KLHL15: variants seen among roughly 807,000 people sequenced by gnomAD.
KLHL15 encodes the protein kelch like family member 15, also known as kelch-like protein 15.
Under a neutral mutation model 29.3 loss-of-function variants are expected in KLHL15, and 1 was observed. That is an observed-to-expected ratio of 0.03 (90% confidence interval 0.01 to 0.16). The LOEUF is 0.16. Ranked by LOEUF, KLHL15 falls within the 10% of genes least tolerant of loss-of-function variation. KLHL15 has a pLI of 1.00. For missense variants in KLHL15, 215 were observed against 478.5 expected (o/e 0.45, Z 5.14); for synonymous variants, 212 against 184.5 (o/e 1.15, Z -1.21).
chrX:24,000,648 T>C (rs1371275304), intron 3 of KLHL15, among the ~76,000 whole-genome samples: 2 of 112,308 alleles, frequency 1.8e-5, no homozygotes, highest in Non-Finnish European at 1.9e-5. Context: ...TAGATATAAA[T>C]GAACTGTTTT....
intron 3 of KLHL15, among the ~76,000 whole-genome samples, chrX:23,992,781 G>A (rs1283349535): frequency 8.9e-6 from 1 of 112,089 alleles, no homozygotes; most frequent in Non-Finnish European, 1.9e-5. Context: ...AGAGCTTTCT[G>A]GAATTCAGAT....
intron 2 of KLHL15, among the ~76,000 whole-genome samples, chrX:24,022,109 C>T (rs899250125): frequency 9.1e-6 from 1 of 110,224 alleles, no homozygotes; most frequent in Non-Finnish European, 1.9e-5. Context: ...GAGACCGAGG[C>T]GGGCGGATCA....
intron 1 of KLHL15, among the ~76,000 whole-genome samples, chrX:24,026,227 T>TA (rs945662179): frequency 8.9e-6 from 1 of 112,031 alleles, no homozygotes; most frequent in Non-Finnish European, 1.9e-5. Flanking sequence ...GGAAAATTCA[T>TA]AAAAAATTGC....
intron 2 of KLHL15, among the ~76,000 whole-genome samples, chrX:24,012,529 T>C (rs1373297577): frequency 8.9e-6 from 1 of 111,910 alleles, no homozygotes; most frequent in Non-Finnish European, 1.9e-5. Flanking sequence ...TCTTTTCTCA[T>C]CTAAACACTG....
chrX:23,995,625 A>G (rs1478483842), intron 3 of KLHL15, among the ~76,000 whole-genome samples: 1 of 111,226 alleles, frequency 9.0e-6, no homozygotes, highest in Non-Finnish European at 1.9e-5. Context: ...GAATCTGAAT[A>G]CCATGTGGCC....
chrX:24,016,390 T>G, intron 2 of KLHL15, among the ~76,000 whole-genome samples: 1 of 85,898 alleles, frequency 1.2e-5, no homozygotes, highest in African/African-American at 4.5e-5. Context: ...CTTGGCCAGG[T>G]GCAGTGGCTC....
intron 3 of KLHL15, among the ~76,000 whole-genome samples, chrX:23,990,408 G>A (rs1380272624): frequency 9.0e-6 from 1 of 111,310 alleles, no homozygotes; most frequent in Non-Finnish European, 1.9e-5. Context: ...CTTTGTGGAA[G>A]ATATAAGAAG....
At chrX:24,010,736 G>A (rs1325661707) in intron 2 of KLHL15, among the ~76,000 whole-genome samples, 1 of 111,258 alleles carries the variant, frequency 9.0e-6, no homozygotes, top group Admixed American at 9.6e-5. Flanking sequence ...TCCTTCCCCT[G>A]GTTAGGTATT....
intron 2 of KLHL15, among the ~76,000 whole-genome samples, chrX:24,021,926 TC>T (rs1337769635): frequency 3.6e-5 from 4 of 111,794 alleles, no homozygotes; most frequent in Non-Finnish European, 7.5e-5. Context: ...TTCATTCTCC[TC>T]ACAGTTAACA....
intron 2 of KLHL15, among the ~76,000 whole-genome samples, chrX:24,010,628 C>G (rs1929553940): frequency 8.9e-6 from 1 of 111,995 alleles, no homozygotes; most frequent in Admixed American, 9.5e-5. Context: ...ACCTACAAAC[C>G]ACACTAGCCT....
intron 2 of KLHL15, among the ~76,000 whole-genome samples, chrX:24,007,339 A>G (rs1337635173): frequency 9.3e-6 from 1 of 107,029 alleles, no homozygotes; most frequent in Non-Finnish European, 1.9e-5. Flanking sequence ...CTAAAAATAC[A>G]AAAAGTAGCC....
Position 24,020,072 on chromosome X carries a change from A to C in KLHL15, c.-8+4785T>G, listed in dbSNP as rs182476862. Among the ~76,000 whole-genome samples the C allele has an allele frequency of 2.7e-5, 3 of 112,409 alleles. No homozygotes were observed. The Admixed American group carries it at 2.8e-4, about 11-fold the overall frequency. ...TGAAAAATTTAAATGATTTCATACT[A>C]TCTTCATCCCCAAACTGTTCTCCTA... On this transcript the variant is annotated intron_variant, in intron 2 of 3. Coordinates refer to ENST00000328046, the MANE Select transcript of KLHL15 (RefSeq NM_030624.3).
chrX:24,016,254 G>A (rs1929677647), intron 2 of KLHL15, among the ~76,000 whole-genome samples: 1 of 97,976 alleles, frequency 1.0e-5, no homozygotes, highest in Non-Finnish European at 2.0e-5. Context: ...GCAGGAGAAT[G>A]GCGTGAACCT....
At chrX:24,001,855 C>T (rs1228999530) in intron 3 of KLHL15, among the ~76,000 whole-genome samples, 1 of 93,005 alleles carries the variant, frequency 1.1e-5, no homozygotes, top group East Asian at 3.6e-4. Flanking sequence ...ATATATAGGT[C>T]GGGCGCGGTG....
At chrX:24,026,658 T>C (rs1366622035) in intron 1 of KLHL15, among the ~76,000 whole-genome samples, 1 of 107,918 alleles carries the variant, frequency 9.3e-6, no homozygotes, top group Non-Finnish European at 1.9e-5. Flanking sequence ...AATTATCTCT[T>C]TCTAGCAAAC....
chrX:23,993,685 TAA>T (rs1929129035), intron 3 of KLHL15, among the ~76,000 whole-genome samples: 1 of 109,629 alleles, frequency 9.1e-6, no homozygotes, highest in Admixed American at 9.9e-5. Flanking sequence ...CAATATGAAC[TAA>T]AGTGATATGG....
chrX:24,023,523 A>T (rs1177689457), intron 2 of KLHL15, among the ~76,000 whole-genome samples: 1 of 112,049 alleles, frequency 8.9e-6, no homozygotes, highest in Non-Finnish European at 1.9e-5. Context: ...TATACCCAAA[A>T]ATGCTTCTCT....
intron 1 of KLHL15, among the ~76,000 whole-genome samples, chrX:24,026,577 C>CT (rs1337771728): frequency 9.9e-6 from 1 of 100,828 alleles, no homozygotes; most frequent in Non-Finnish European, 2.0e-5. Context: ...CCACCCCCAC[C>CT]CCCCGCCGCC....
intron 3 of KLHL15, among the ~76,000 whole-genome samples, chrX:23,990,277 A>G (rs1380676915): frequency 8.9e-6 from 1 of 112,177 alleles, no homozygotes; most frequent in Non-Finnish European, 1.9e-5. Context: ...ACAAATACAA[A>G]TTTACCAATA....
Sources: gnomAD v4.1 joint callset for allele counts (sites outside exome capture counted in the v4.1 genomes callset) on GRCh38, gnomAD v4.1.1 for gene constraint, MANE v1.5 for transcripts, NCBI Gene and HGNC (gene_info 2026-07-23, HGNC 2026-07-21) for gene names.